The following TMEM47 variants were observed in gnomAD, a reference collection of about 807,000 sequenced individuals.
The protein encoded by TMEM47 is transmembrane protein 47.
In TMEM47, 3 loss-of-function variants were observed where a neutral mutation model predicts 12.4. The observed-to-expected ratio is 0.24, with a 90% CI of 0.11 to 0.63. The LOEUF (loss-of-function observed/expected upper bound fraction) is 0.63, where lower values mean the gene tolerates loss of function less well. Ranked by LOEUF, TMEM47 falls within the 20% of genes least tolerant of loss-of-function variation. TMEM47 has a pLI of 0.86. For synonymous variants in TMEM47, 62 were observed against 63.3 expected, an observed-to-expected ratio of 0.98 and a Z score of 0.10; for missense variants, 89 against 143.8, an observed-to-expected ratio of 0.62 and a Z score of 1.95.
chrX:34,635,154 C>T (rs987966640), intron 2 of TMEM47, among the ~76,000 whole-genome samples: 1 of 111,348 alleles, frequency 9.0e-6, no homozygotes, highest in Admixed American at 9.6e-5. Context: ...TGATTATAAC[C>T]GACATTTCTC....
rs1244118716 is a variant in TMEM47, at chrX:34,629,311, AAG to A, written c.*1000_*1001del. On this transcript the variant is annotated 3_prime_UTR_variant, in exon 3 of 3. Transcript: ENST00000275954. The stretch of plus-strand genomic sequence containing the variant: ...TGAAACAGTAAAGAACATAGAGCAA[AAG>A]CTTTAAGGTACCATACTTTTGTATG... The A allele has an allele frequency of 2.1e-4, 23 of 111,450 alleles. No homozygotes were observed. The highest frequency in any genetic ancestry group is 7.5e-4 in the African/African-American group (23 of 30,758). 9.2% of individuals were successfully genotyped at this position (111,450 alleles called of 1,213,427 possible). A position where few individuals can be genotyped will look rare whatever the true frequency, so the allele number is the denominator to read the frequency against.
chrX:34,644,081 GA>G (rs75902813), intron 1 of TMEM47, among the ~76,000 whole-genome samples: 4,885 of 105,609 alleles, frequency 0.046, 245 homozygotes, highest in African/African-American at 0.15. Context: ...TCTATAACAG[GA>G]AAAAAAAAGT....
chrX:34,643,962 C>T (rs1405237083), intron 1 of TMEM47, among the ~76,000 whole-genome samples: 1 of 110,875 alleles, frequency 9.0e-6, no homozygotes, highest in East Asian at 2.8e-4. Context: ...GTGTCAGGTT[C>T]TCTCAAAAGA....
intron 1 of TMEM47, among the ~76,000 whole-genome samples, chrX:34,649,459 A>G (rs779272439): frequency 1.8e-5 from 2 of 111,437 alleles, no homozygotes; most frequent in African/African-American, 3.3e-5. Context: ...CAGAAAACCA[A>G]ATACAGCATG....
chrX:34,656,454 C>CG (rs1256834604), intron 1 of TMEM47, among the ~76,000 whole-genome samples: 1 of 109,605 alleles, frequency 9.1e-6, no homozygotes, highest in Admixed American at 9.6e-5. Flanking sequence ...TCTTTTTTAA[C>CG]GGGGGTGTGG....
At chrX:34,648,947 G>A (rs1921964753) in intron 1 of TMEM47, among the ~76,000 whole-genome samples, 1 of 112,105 alleles carries the variant, frequency 8.9e-6, no homozygotes, top group African/African-American at 3.2e-5. Context: ...TGCATAAAAA[G>A]CTCAATATCA....
chrX:34,639,184 A>G, intron 2 of TMEM47, 63 bp downstream of exon 2: 1 of 1,116,485 alleles, frequency 9.0e-7, no homozygotes. Context: ...TGCATAGGAA[A>G]GGAAGATGGT....
At chrX:34,634,049 T>C (rs987885569) in intron 2 of TMEM47, among the ~76,000 whole-genome samples, 6 of 110,913 alleles carry the variant, frequency 5.4e-5, no homozygotes, top group African/African-American at 2.0e-4. Flanking sequence ...TTGCCTTTCA[T>C]AGATGCTGTA....
intron 1 of TMEM47, among the ~76,000 whole-genome samples, chrX:34,655,556 A>G (rs1224456787): frequency 8.9e-6 from 1 of 112,091 alleles, no homozygotes; most frequent in Non-Finnish European, 1.9e-5. Context: ...TTAAATTTAC[A>G]GAAGAAACTT....
At position 34,630,146 on chromosome X, in the gene TMEM47, T is replaced by G; in HGVS notation, c.*167A>C. On this transcript the variant is annotated 3_prime_UTR_variant, in exon 3 of 3. Transcript: ENST00000275954. ...TTTGTGCAGATTTCTAAAATGGATG[T>G]AAAAGCTGGTTATGATGTTGACAGC... is the stretch of plus-strand genomic sequence containing the variant. 2.3e-6 allele frequency: 1 copy of G among 440,087 alleles called. No individual in the cohort carries two copies. The highest frequency in any genetic ancestry group is 3.8e-6 in the Non-Finnish European group (1 of 266,087). 36.3% of individuals were successfully genotyped at this position (440,087 alleles called of 1,213,427 possible). A position where few individuals can be genotyped will look rare whatever the true frequency, so the allele number is the denominator to read the frequency against.
chrX:34,644,006 G>T (rs1921864398), intron 1 of TMEM47, among the ~76,000 whole-genome samples: 1 of 110,639 alleles, frequency 9.0e-6, no homozygotes, highest in South Asian at 4.0e-4. Flanking sequence ...ACACACTGGG[G>T]GCATTCAAAC....
intron 1 of TMEM47, among the ~76,000 whole-genome samples, chrX:34,647,603 A>C (rs1921936773): frequency 9.0e-6 from 1 of 111,680 alleles, no homozygotes; most frequent in African/African-American, 3.3e-5. Context: ...CAAATCACAC[A>C]CAAACTTAGG....
rs1257987755 is a variant in TMEM47, at chrX:34,656,785, C to G, written c.226+19G>C. On this transcript the variant is annotated intron_variant, in intron 1 of 2. Transcript: ENST00000275954. ...AGTCCGGGGCGGGAGGCAGGGGTCG[C>G]GGCGCGCCAGGCCCTCACCGCTGCT... The G allele has an allele frequency of 8.6e-7, 1 of 1,159,856 alleles. No homozygotes were observed. The highest frequency in any genetic ancestry group is 2.6e-5 in the Admixed American group (1 of 38,555).
intron 2 of TMEM47, among the ~76,000 whole-genome samples, chrX:34,631,835 T>A (rs1292515091): frequency 1.8e-5 from 2 of 112,275 alleles, no homozygotes; most frequent in African/African-American, 6.5e-5. Flanking sequence ...ATTAGATCAA[T>A]TATTATGTAA....
rs1388279915 is a variant in TMEM47, at chrX:34,629,278, C to T, written c.*1035G>A. ...TTATTCTTAGGCAACTCTATTGACA[C>T]TTTCCAGTGAAACAGTAAAGAACAT... On this transcript the variant is annotated 3_prime_UTR_variant, in exon 3 of 3. Transcript: ENST00000275954. 1 of 111,555 alleles carries T rather than the reference C, an allele frequency of 9.0e-6. No individual in the cohort carries two copies. The highest frequency in any genetic ancestry group is 1.9e-5 in the Non-Finnish European group (1 of 53,124). The allele number at this position is 111,555 out of a possible 1,213,427, so 9.2% of individuals were successfully genotyped here.
At position 34,628,829 on chromosome X, in the gene TMEM47, T is replaced by A. The variant is rs759619188; in HGVS notation, c.*1484A>T. The A allele has an allele frequency of 2.7e-5, 3 of 112,364 alleles. No homozygotes were observed. The highest frequency in any genetic ancestry group is 9.7e-5 in the African/African-American group (3 of 30,931). The allele number at this position is 112,364 out of a possible 1,213,427, so 9.3% of individuals were successfully genotyped here. A position where few individuals can be genotyped will look rare whatever the true frequency, so the allele number is the denominator to read the frequency against. On this transcript the variant is annotated 3_prime_UTR_variant, in exon 3 of 3. Transcript: ENST00000275954. Reference sequence around the variant, plus strand: ...GAACTGTATATTTGATATAAAAATATGTTTATAATTAAGCTATCCAAATTT... The same window carrying A: ...GAACTGTATATTTGATATAAAAATAAGTTTATAATTAAGCTATCCAAATTT...
chrX:34,636,892 T>C (rs1921726249), intron 2 of TMEM47, among the ~76,000 whole-genome samples: 1 of 111,574 alleles, frequency 9.0e-6, no homozygotes, highest in Non-Finnish European at 1.9e-5. Context: ...TTCCAATATG[T>C]GATATGTACT....
At chrX:34,651,153 C>G (rs995687741) in intron 1 of TMEM47, among the ~76,000 whole-genome samples, 1 of 111,991 alleles carries the variant, frequency 8.9e-6, no homozygotes, top group African/African-American at 3.3e-5. Context: ...AGGTGGTATT[C>G]AATTCTCCTT....
chrX:34,649,919 G>A lies in TMEM47; in HGVS notation c.226+6885C>T, dbSNP rs183655491. Reference sequence around the variant, plus strand: ...TTTTTGTATTTTTAGTAGAGACAGGGTTTCACCATGTTGGTCAGGCTGTCC... The same window carrying A: ...TTTTTGTATTTTTAGTAGAGACAGGATTTCACCATGTTGGTCAGGCTGTCC... On this transcript the variant is annotated intron_variant, in intron 1 of 2. Coordinates refer to ENST00000275954, the MANE Select transcript of TMEM47 (RefSeq NM_031442.4). Among the ~76,000 whole-genome samples the A allele has an allele frequency of 4.8e-3, 527 of 110,083 alleles. 5 individuals carry two copies. Among genetic ancestry groups the A allele is most frequent in the African/African-American group, 0.017 (504 of 30,187 alleles).
Sources: allele counts gnomAD v4.1 joint callset (sites outside exome capture counted in the v4.1 genomes callset), GRCh38; gene constraint gnomAD v4.1.1; transcripts MANE v1.5; gene names NCBI Gene and HGNC (gene_info 2026-07-23, HGNC 2026-07-21).